PIK3CD: variants seen among roughly 807,000 people sequenced by gnomAD.
PIK3CD encodes phosphatidylinositol 4,5-bisphosphate 3-kinase catalytic subunit delta isoform.
A neutral mutation model predicts 122.9 loss-of-function variants in PIK3CD; 20 were observed. The ratio of observed to expected loss-of-function variants is 0.16; its 90% CI spans 0.11 to 0.24. PIK3CD has a LOEUF of 0.24. Ranked by LOEUF, PIK3CD falls within the 10% of genes least tolerant of loss-of-function variation. The pLI is 1.00. For missense variants in PIK3CD, 787 were observed against 1,406.3 expected (o/e 0.56, Z 7.04); for synonymous variants, 596 against 593.4 (o/e 1.00, Z -0.06).
rs766380260 is a variant in PIK3CD, at chr1:9,722,518, G to A, written c.2348-10G>A. ...ACTCACGCTTCTCCTCCCACCGGCC[G>A]GTGGCACAGACCTCCGGCAGGACAT... On this transcript the variant is annotated splice_polypyrimidine_tract_variant and intron_variant, in intron 18 of 23. Coordinates refer to ENST00000377346, the MANE Select transcript of PIK3CD (RefSeq NM_005026.5). The surrounding 1 kb of genome is among the most constrained non-coding windows in gnomAD (Gnocchi z 7.6). 3.1e-6 allele frequency: 5 copies of A among 1,612,202 alleles called. No homozygotes were observed. The highest frequency in any genetic ancestry group is 4.2e-6 in the Non-Finnish European group (5 of 1,178,764).
intron 2 of PIK3CD, chr1:9,691,813 A>T (rs1646207271): frequency 8.6e-6 from 3 of 350,238 alleles, no homozygotes; most frequent in Non-Finnish European, 1.5e-5. Context: ...TGGGAAAAGA[A>T]GGAATGGCTT....
chr1:9,677,726 T>C (rs546868859), intron 1 of PIK3CD, among the ~76,000 whole-genome samples: 5 of 152,108 alleles, frequency 3.3e-5, no homozygotes, highest in African/African-American at 9.6e-5. Flanking sequence ...TGCATGCGGA[T>C]GTTTTAAATA....
At chr1:9,642,174 G>A in the PIK3CD span, among the ~76,000 whole-genome samples, 7 of 151,804 alleles carry the variant, frequency 4.6e-5, no homozygotes, top group East Asian at 2.0e-4. Context: ...GTGCAATGGT[G>A]CGATCTTGGC....
At chr1:9,682,086 C>A (rs1645776823) in intron 1 of PIK3CD, among the ~76,000 whole-genome samples, 1 of 151,744 alleles carries the variant, frequency 6.6e-6, no homozygotes, top group Admixed American at 6.6e-5. Context: ...CCACGCCTGG[C>A]TAATTTTTGT....
chr1:9,657,204 T>A (rs1463461819), intron 1 of PIK3CD, among the ~76,000 whole-genome samples: 1 of 152,148 alleles, frequency 6.6e-6, no homozygotes, highest in Non-Finnish European at 1.5e-5. Context: ...GATTTAGGGC[T>A]CCCTCAGATA....
intron 2 of PIK3CD, among the ~76,000 whole-genome samples, chr1:9,694,367 C>T (rs1358844921): frequency 6.6e-6 from 1 of 152,062 alleles, no homozygotes; most frequent in African/African-American, 2.4e-5. Flanking sequence ...AACCCCATCT[C>T]TACTAAAAAT....
the PIK3CD span, among the ~76,000 whole-genome samples, chr1:9,641,039 G>T: frequency 2.6e-5 from 4 of 152,102 alleles, no homozygotes; most frequent in Non-Finnish European, 5.9e-5. Flanking sequence ...CCCTTCCCCT[G>T]TCTCTCCCCT....
intron 1 of PIK3CD, among the ~76,000 whole-genome samples, chr1:9,666,120 G>T (rs1187397818): frequency 3.3e-5 from 5 of 150,504 alleles, no homozygotes; most frequent in African/African-American, 1.2e-4. Flanking sequence ...CAGAGATGGG[G>T]TTTCACCATG....
chr1:9,721,783 G>T lies in PIK3CD; in HGVS notation c.1978G>T (p.Val660Leu), dbSNP rs747642494. 6.2e-7 allele frequency: 1 copy of T among 1,613,242 alleles called. No individual in the cohort carries two copies. Among genetic ancestry groups the T allele is most frequent in the South Asian group, 1.1e-5 (1 of 91,074 alleles). Residue 660 changes from valine (V) to leucine (L), a missense_variant, in exon 16 of 24, where the codon GTG becomes TTG. Coordinates refer to ENST00000377346, the MANE Select transcript of PIK3CD (RefSeq NM_005026.5). ...HLRSEMHVPS[V>L]ALRFGLILEA... ...CAGCTCCGAGATGCACGTGCCGTCG[G>T]TGGCCCTGCGCTTCGGCCTCATCCT...
chr1:9,691,688 T>A (rs1030562801), intron 2 of PIK3CD, 117 bp downstream of exon 2: 2 of 393,542 alleles, frequency 5.1e-6, no homozygotes, highest in Non-Finnish European at 9.0e-6. Flanking sequence ...AAGGAAGACT[T>A]CTCTGTAGGA....
chr1:9,727,133 G>A lies in PIK3CD; in HGVS notation c.*87G>A. On this transcript the variant is annotated 3_prime_UTR_variant, in exon 24 of 24. Coordinates refer to ENST00000377346, the MANE Select transcript of PIK3CD (RefSeq NM_005026.5). ...TGGTCCTAAAGGGGCTGAAGAGCCT[G>A]AACTGCACCTAACGGGAAAGAACCG... is the stretch of plus-strand genomic sequence containing the variant. 1.4e-6 allele frequency: 2 copies of A among 1,470,156 alleles called. No homozygotes were observed. Among genetic ancestry groups the A allele is most frequent in the South Asian group, 1.2e-5 (1 of 86,916 alleles). 91.1% of individuals were successfully genotyped at this position (1,470,156 alleles called of 1,614,324 possible). A position where few individuals can be genotyped will look rare whatever the true frequency, so the allele number is the denominator to read the frequency against.
chr1:9,716,406 G>C, intron 5 of PIK3CD, 34 bp from the exon 6 acceptor site: 3 of 1,607,646 alleles, frequency 1.9e-6, no homozygotes, highest in Non-Finnish European at 2.5e-6. Flanking sequence ...GGGGGGCCTC[G>C]AGGGCAGAGG....
Position 9,717,063 on chromosome 1 carries a change from G to C in PIK3CD, c.885G>C (p.Gln295His), listed in dbSNP as rs575048807. The C allele has an allele frequency of 2.1e-5, 34 of 1,613,982 alleles. No homozygotes were observed. The South Asian group carries it at 3.7e-4, about 18-fold the overall frequency. Residue 295 changes from glutamine (Q) to histidine (H), a missense_variant, in exon 7 of 24, where the codon CAG (glutamine) becomes CAC (histidine). Gln to His is a conservative substitution (Grantham distance 24). This residue lies in a region of PIK3CD where 592 missense variants were observed against 920.6 expected (regional missense o/e 0.64). Coordinates refer to ENST00000377346, the MANE Select transcript of PIK3CD (RefSeq NM_005026.5). This position sits in a 1 kb window ranked among gnomAD's most constrained non-coding sequence, Gnocchi z 5.4. ...ATGAGCAGAGCAACCCTGCCCCCCAGGTCCAGAAACCGCGTGCCAAACCAC... is the reference window on the plus strand; with the variant it reads ...ATGAGCAGAGCAACCCTGCCCCCCACGTCCAGAAACCGCGTGCCAAACCAC... The part of the protein sequence containing the change: ...MRDEQSNPAP[Q>H]VQKPRAKPPP...
chr1:9,688,239 C>T lies in PIK3CD; in HGVS notation c.-137-3228C>T, dbSNP rs1172079822. The T allele has an allele frequency of 4.6e-5, 7 of 152,466 alleles. 1 individual carries two copies. The East Asian group carries it at 5.8e-4, about 13-fold the overall frequency. 9.4% of individuals were successfully genotyped at this position (152,466 alleles called of 1,614,324 possible). On this transcript the variant is annotated intron_variant, in intron 1 of 23. Transcript: ENST00000377346. ...GAGTGTTCTTCAAACCACCTTCTAC[C>T]ACCCCGCGGGACACGCCAGGGCTGA...
chr1:9,725,070 G>C, intron 23 of PIK3CD, 134 bp downstream of exon 23: 1 of 1,164,736 alleles, frequency 8.6e-7, no homozygotes, highest in Non-Finnish European at 1.2e-6. Context: ...GCCGTCCCAG[G>C]ACCCAGCAGT....
At chr1:9,637,740 A>G in the PIK3CD span, among the ~76,000 whole-genome samples, 973 of 152,144 alleles carry the variant, frequency 6.4e-3, 10 homozygotes, top group Non-Finnish European at 9.9e-3. Context: ...TTCTTTGCAT[A>G]TTTTGAGATG....
the PIK3CD span, among the ~76,000 whole-genome samples, chr1:9,633,984 T>C: frequency 1.3e-5 from 2 of 151,610 alleles, no homozygotes; most frequent in African/African-American, 4.9e-5. Flanking sequence ...CCTTTTTTTC[T>C]TTTTTTTAGA....
At chr1:9,649,124 A>AAACAAAC (rs1342491468), upstream of PIK3CD, among the ~76,000 whole-genome samples, 2 of 97,606 alleles carry the variant, frequency 2.0e-5, no homozygotes, top group Admixed American at 1.0e-4. Context: ...AACAAACAAA[A>AAACAAAC]AAAGCAAAAA....
rs1198694875 is a variant in PIK3CD, at chr1:9,720,827, A to G, written c.1607A>G (p.His536Arg). 9 of 1,612,928 alleles carry G rather than the reference A, an allele frequency of 5.6e-6. No homozygotes were observed. Among genetic ancestry groups the G allele is most frequent in the Non-Finnish European group, 7.6e-6 (9 of 1,179,740 alleles). Residue 536 changes from histidine (H) to arginine (R), a missense_variant, in exon 13 of 24, where the codon CAT becomes CGT. This residue lies in a region of PIK3CD where 592 missense variants were observed against 920.6 expected (regional missense o/e 0.64). Coordinates refer to ENST00000377346, the MANE Select transcript of PIK3CD (RefSeq NM_005026.5). The surrounding 1 kb of genome is among the most constrained non-coding windows in gnomAD (Gnocchi z 9.0). ...AAGGACCTGGTGTGGAAGCTGCGGC[A>G]TGAAGTCCAGGAGCACTTCCCGGAG... is the stretch of plus-strand genomic sequence containing the variant. ...HEKDLVWKLR[H>R]EVQEHFPEAL... is the part of the protein sequence containing the mutation.
Sources: gnomAD v4.1 joint callset for allele counts (sites outside exome capture counted in the v4.1 genomes callset) on GRCh38, gnomAD v4.1.1 for gene constraint, gnomAD v4.1.1 regional missense constraint, Gnocchi (gnomAD v3.1) non-coding constraint, MANE v1.5 for transcripts, NCBI Gene and HGNC (gene_info 2026-07-23, HGNC 2026-07-21) for gene names.